Variants in NBAS observed in about 807,000 individuals in gnomAD.
NBAS encodes NAG/BC035112 fusion.
A neutral mutation model predicts 302.5 loss-of-function variants in NBAS; 219 were observed. The ratio of observed to expected loss-of-function variants is 0.72; its 90% CI spans 0.65 to 0.81. The LOEUF (loss-of-function observed/expected upper bound fraction) is 0.81, where lower values mean the gene tolerates loss of function less well. NBAS is among the 30% of genes least tolerant of loss of function. The pLI is 0.00. For missense variants in NBAS, 2,932 were observed against 2,841.6 expected, an observed-to-expected ratio of 1.03 and a Z score of -0.72; for synonymous variants, 1,118 against 1,021.6, an observed-to-expected ratio of 1.09 and a Z score of -1.80.
At chr2:15,189,448 G>A (rs1558422171) in intron 49 of NBAS, among the ~76,000 whole-genome samples, 1 of 152,234 alleles carries the variant, frequency 6.6e-6, no homozygotes, top group South Asian at 2.1e-4. Context: ...GCCTGTGGGG[G>A]CAGTATGTCA....
the NBAS span, among the ~76,000 whole-genome samples, chr2:14,933,750 G>A: frequency 7.9e-5 from 12 of 152,270 alleles, no homozygotes; most frequent in African/African-American, 2.6e-4. Context: ...CAAGGCTACC[G>A]TGTTTGTAAT....
At chr2:14,819,326 CAGA>C in the NBAS span, among the ~76,000 whole-genome samples, 5 of 152,274 alleles carry the variant, frequency 3.3e-5, no homozygotes, top group African/African-American at 1.2e-4. Flanking sequence ...CCTAGAAGAC[CAGA>C]AGGAGTGTTA....
At chr2:14,808,990 G>C in the NBAS span, among the ~76,000 whole-genome samples, 8 of 152,196 alleles carry the variant, frequency 5.3e-5, no homozygotes, top group Non-Finnish European at 1.2e-4. Context: ...CTAGAGATTT[G>C]TGGAACTTTA....
chr2:14,847,358 C>G, the NBAS span, among the ~76,000 whole-genome samples: 35,515 of 129,926 alleles, frequency 0.27, 8,841 homozygotes, highest in African/African-American at 0.67. Context: ...ACTCCAGCCT[C>G]GTCAACAGAG....
At position 15,394,286 on chromosome 2, in the gene NBAS, TTGAG is replaced by T; in HGVS notation, c.3194_3197del (p.Thr1065AsnfsTer10). 4 of 1,613,216 alleles carry T rather than the reference TTGAG, an allele frequency of 2.5e-6. No individual in the cohort carries two copies. Among genetic ancestry groups the T allele is most frequent in the Non-Finnish European group, 3.4e-6 (4 of 1,179,428 alleles). ...GCTTGCGTGCCTCTTCTGAGCTAGATTGAGTGTTTTTAACAAATGAAATTGGTTT... is the reference window on the plus strand; with the variant it reads ...GCTTGCGTGCCTCTTCTGAGCTAGATTGTTTTTAACAAATGAAATTGGTTT... On this transcript the variant is annotated frameshift_variant, in exon 28 of 52. Transcript: ENST00000281513. LOFTEE classifies it high-confidence loss of function.
chr2:14,841,619 A>G, the NBAS span, among the ~76,000 whole-genome samples: 1 of 151,976 alleles, frequency 6.6e-6, no homozygotes, highest in South Asian at 2.1e-4. Flanking sequence ...GGGTCAATTC[A>G]GCAAGAGGAT....
chr2:15,245,431 C>G (rs149188471), intron 44 of NBAS, among the ~76,000 whole-genome samples: 4 of 152,178 alleles, frequency 2.6e-5, no homozygotes, highest in East Asian at 1.9e-4. Context: ...ATCCGAGAGG[C>G]CTTCCCTGAC....
At chr2:15,360,883 A>C in intron 32 of NBAS, among the ~76,000 whole-genome samples, 1 of 152,008 alleles carries the variant, frequency 6.6e-6, no homozygotes, top group Non-Finnish European at 1.5e-5. Context: ...GGCTATTTTA[A>C]AGTTAACTTT....
chr2:15,059,590 C>T, the NBAS span, among the ~76,000 whole-genome samples: 1 of 152,128 alleles, frequency 6.6e-6, no homozygotes, highest in Admixed American at 6.5e-5. Context: ...CCAACACAGC[C>T]AGCAGAGACC....
chr2:14,916,322 A>G, the NBAS span, among the ~76,000 whole-genome samples: 1 of 152,218 alleles, frequency 6.6e-6, no homozygotes, highest in Non-Finnish European at 1.5e-5. Context: ...ATTCTAAGAA[A>G]GCAACGTAAA....
chr2:15,019,370 CT>C, the NBAS span, among the ~76,000 whole-genome samples: 27 of 152,306 alleles, frequency 1.8e-4, no homozygotes, highest in African/African-American at 6.5e-4. Flanking sequence ...GAATTCTCAA[CT>C]GCCTATCTGA....
chr2:14,892,512 TC>T, the NBAS span, among the ~76,000 whole-genome samples: 1 of 151,198 alleles, frequency 6.6e-6, no homozygotes, highest in Non-Finnish European at 1.5e-5. Context: ...GAAATCCATT[TC>T]CTCTTCTATG....
At chr2:15,076,488 T>A in the NBAS span, among the ~76,000 whole-genome samples, 1 of 152,192 alleles carries the variant, frequency 6.6e-6, no homozygotes, top group Non-Finnish European at 1.5e-5. Flanking sequence ...TCCCAGGGTT[T>A]GACTTGGACT....
intron 44 of NBAS, among the ~76,000 whole-genome samples, chr2:15,254,299 C>A (rs775465956): frequency 2.6e-5 from 4 of 151,834 alleles, no homozygotes; most frequent in Non-Finnish European, 4.4e-5. Context: ...TTCCCCCAAA[C>A]TGCATTTTAA....
chr2:15,122,444 T>C, the NBAS span, among the ~76,000 whole-genome samples: 1 of 152,136 alleles, frequency 6.6e-6, no homozygotes, highest in Non-Finnish European at 1.5e-5. Flanking sequence ...TGTGAACTAA[T>C]TGAGCAAAAA....
At chr2:15,364,833 T>G (rs191691788) in intron 32 of NBAS, among the ~76,000 whole-genome samples, 1 of 152,080 alleles carries the variant, frequency 6.6e-6, no homozygotes, top group East Asian at 1.9e-4. Flanking sequence ...GAGCCCAATC[T>G]CCAGAAGAGA....
chr2:15,352,821 C>A (rs976269832), intron 34 of NBAS, among the ~76,000 whole-genome samples: 1 of 152,172 alleles, frequency 6.6e-6, no homozygotes, highest in African/African-American at 2.4e-5. Flanking sequence ...CAGGAAGCTG[C>A]TGATCACCAG....
intron 44 of NBAS, among the ~76,000 whole-genome samples, chr2:15,247,752 A>ACCTC (rs1668169323): frequency 6.6e-6 from 1 of 151,356 alleles, no homozygotes; most frequent in Non-Finnish European, 1.5e-5. Flanking sequence ...ATATATTTAT[A>ACCTC]TAGATATAAA....
intron 11 of NBAS, among the ~76,000 whole-genome samples, chr2:15,498,848 G>A (rs528222862): frequency 2.4e-4 from 36 of 151,508 alleles, no homozygotes; most frequent in Admixed American, 1.1e-3. Flanking sequence ...AGGCCTCCCA[G>A]TCATGCTTCC....
Sources: allele counts gnomAD v4.1 joint callset (sites outside exome capture counted in the v4.1 genomes callset), GRCh38; gene constraint gnomAD v4.1.1; transcripts MANE v1.5; gene names NCBI Gene and HGNC (gene_info 2026-07-23, HGNC 2026-07-21).